The following SPAG9 variants were observed in gnomAD, a reference collection of about 807,000 sequenced individuals.
SPAG9 encodes the protein C-Jun-amino-terminal kinase-interacting protein 4.
Under a neutral mutation model 166.5 loss-of-function variants are expected in SPAG9, and 35 were observed. The ratio of observed to expected loss-of-function variants is 0.21; its 90% confidence interval spans 0.16 to 0.28. SPAG9 has a LOEUF of 0.28. Ranked by LOEUF, SPAG9 falls within the 10% of genes least tolerant of loss-of-function variation. The pLI is 1.00. For synonymous variants in SPAG9, 534 were observed against 565.5 expected (o/e 0.94, Z 0.79); for missense variants, 1,235 against 1,603.3 (o/e 0.77, Z 3.92).
At chr17:51,007,864 G>A in intron 9 of SPAG9, 1 of 449,470 alleles carries the variant, frequency 2.2e-6, no homozygotes, top group Non-Finnish European at 4.5e-6. Context: ...TAAAGCCCAT[G>A]CATTCCATGT....
In SPAG9 at chr17:50,984,979, C is replaced by T; in HGVS notation, c.3032G>A (p.Gly1011Glu). The stretch of plus-strand genomic sequence containing the variant: ...GTCAGCCAGGGCTACTAACACGATT[C>T]CCTTCACGTGTCTGCAAACAGGAAA... ...DSILSIVHVK[G>E]IVLVALADGT... Residue 1011 changes from glycine to glutamate, a missense_variant, in exon 24 of 30, where the codon GGA (glycine) becomes GAA (glutamate). Physicochemically the swap from Gly to Glu is moderately conservative, Grantham distance 98. Around this residue, in one of 6 missense-constraint regions of SPAG9, gnomAD observed 493 missense variants for 559.4 expected, o/e 0.88. Transcript: ENST00000262013. The T allele has an allele frequency of 6.2e-7, 1 of 1,614,144 alleles. No homozygotes were observed. The highest frequency in any genetic ancestry group is 8.5e-7 in the Non-Finnish European group (1 of 1,179,996).
intron 1 of SPAG9, among the ~76,000 whole-genome samples, chr17:51,093,035 A>G (rs528023767): frequency 2.7e-5 from 4 of 148,522 alleles, no homozygotes; most frequent in Non-Finnish European, 5.9e-5. Context: ...ATATTCTACT[A>G]TTCTCGGTAA....
chr17:51,043,225 G>C (rs750596695), intron 4 of SPAG9, among the ~76,000 whole-genome samples: 2 of 152,096 alleles, frequency 1.3e-5, no homozygotes, highest in Non-Finnish European at 2.9e-5. Flanking sequence ...CTAAGTTTGC[G>C]ACTATGAGCT....
In SPAG9 at chr17:50,998,629, CAG is replaced by C; in HGVS notation, c.1665-14_1665-13del. The C allele has an allele frequency of 6.2e-7, 1 of 1,613,322 alleles. No homozygotes were observed. The highest frequency in any genetic ancestry group is 8.5e-7 in the Non-Finnish European group (1 of 1,179,374). ...AAAGTCGGCTGAAACTAAAAGAAGA[CAG>C]TATGTCTGTGTGTCACATGTACTAT... On this transcript the variant is annotated splice_polypyrimidine_tract_variant and intron_variant, in intron 14 of 29. Transcript: ENST00000262013.
chr17:51,062,415 G>C (rs2047542924), intron 2 of SPAG9, among the ~76,000 whole-genome samples: 1 of 152,042 alleles, frequency 6.6e-6, no homozygotes, highest in Admixed American at 6.6e-5. Flanking sequence ...AAAATCCTGT[G>C]CTCCACCTAT....
At chr17:51,059,114 A>G (rs2047435862) in intron 2 of SPAG9, among the ~76,000 whole-genome samples, 1 of 152,222 alleles carries the variant, frequency 6.6e-6, no homozygotes, top group South Asian at 2.1e-4. Context: ...CACAAATATG[A>G]TATTGAAGGA....
intron 2 of SPAG9, among the ~76,000 whole-genome samples, chr17:51,060,358 C>G (rs1323717300): frequency 6.6e-6 from 1 of 151,850 alleles, no homozygotes; most frequent in Non-Finnish European, 1.5e-5. Context: ...CAAAAATTAG[C>G]CAGGCGTCAT....
At chr17:51,091,706 A>G (rs754514228) in intron 1 of SPAG9, among the ~76,000 whole-genome samples, 1 of 151,942 alleles carries the variant, frequency 6.6e-6, no homozygotes, top group South Asian at 2.1e-4. Context: ...TTCAGCAGGT[A>G]TAATAACACA....
At chr17:51,082,377 CAAAAAAAAAAAAAA>C (rs773287286) in intron 1 of SPAG9, among the ~76,000 whole-genome samples, 2 of 48,942 alleles carry the variant, frequency 4.1e-5, no homozygotes, top group Admixed American at 3.2e-4. Flanking sequence ...AAGACTGTCT[CAAAAAAAAAAAAAA>C]AAAAAAAAAA....
intron 1 of SPAG9, among the ~76,000 whole-genome samples, chr17:51,081,699 G>C (rs994698563): frequency 6.6e-6 from 1 of 151,536 alleles, no homozygotes; most frequent in South Asian, 2.1e-4. Flanking sequence ...CTGAGATCAC[G>C]CCATTGCACT....
intron 4 of SPAG9, among the ~76,000 whole-genome samples, chr17:51,044,972 A>G (rs964895024): frequency 1.3e-5 from 2 of 152,248 alleles, no homozygotes; most frequent in African/African-American, 4.8e-5. Flanking sequence ...ATGGACACAT[A>G]TAAGTAACTG....
At chr17:51,037,329 T>C (rs561064057) in intron 5 of SPAG9, among the ~76,000 whole-genome samples, 2 of 151,912 alleles carry the variant, frequency 1.3e-5, no homozygotes, top group Non-Finnish European at 2.9e-5. Flanking sequence ...ATTTTAAAAA[T>C]ACATAAAAAA....
At chr17:51,068,484 T>C (rs2047734199) in intron 2 of SPAG9, among the ~76,000 whole-genome samples, 1 of 152,302 alleles carries the variant, frequency 6.6e-6, no homozygotes, top group Non-Finnish European at 1.5e-5. Context: ...CTTGAAGATG[T>C]TACTTAAGCC....
At position 50,990,204 on chromosome 17, in the gene SPAG9, C is replaced by T. The variant is rs1005791771; in HGVS notation, c.2617+246G>A. On this transcript the variant is annotated intron_variant, in intron 20 of 29. Coordinates refer to ENST00000262013, the MANE Select transcript of SPAG9 (RefSeq NM_001130528.3). ...CACCACGCCCGGTTAATTTTTTGTA[C>T]TTTTTAGTACAGACAGGGTTTCACT... 2.7e-5 allele frequency: 14 copies of T among 519,134 alleles called. 1 individual carries two copies. In the South Asian group the frequency reaches 2.7e-4, roughly 10 times the overall value. 32.2% of individuals were successfully genotyped at this position (519,134 alleles called of 1,614,324 possible). A position where few individuals can be genotyped will look rare whatever the true frequency, so the allele number is the denominator to read the frequency against.
At chr17:50,988,286 G>C (rs907021262) in intron 21 of SPAG9, among the ~76,000 whole-genome samples, 4 of 151,882 alleles carry the variant, frequency 2.6e-5, no homozygotes, top group Non-Finnish European at 4.4e-5. Context: ...TAAAAAATCA[G>C]ACCTTAGCGA....
chr17:50,981,607 C>A (rs1352999271), intron 25 of SPAG9, among the ~76,000 whole-genome samples: 4 of 151,148 alleles, frequency 2.6e-5, no homozygotes, highest in African/African-American at 9.8e-5. Context: ...TTTGAGACTT[C>A]TAGGGAAAGA....
At position 50,996,640 on chromosome 17, in the gene SPAG9, C is replaced by T; in HGVS notation, c.1893G>A (p.Gln631=). 6.2e-7 allele frequency: 1 copy of T among 1,614,106 alleles called. No individual in the cohort carries two copies. The highest frequency in any genetic ancestry group is 1.1e-5 in the South Asian group (1 of 91,080). The part of the protein sequence containing the change: ...RREQKREQYR[Q]VKAHVQKEDG... ...CTTCCTTCTGAACATGTGCTTTTAC[C>T]TGACGATACTGCTCTCTCTTTTGTT... The change falls in exon 16 of 30, where the codon CAG becomes CAA. Residue 631 remains glutamine, a synonymous_variant. Transcript: ENST00000262013.
chr17:51,064,412 T>C (rs1328224134), intron 2 of SPAG9, among the ~76,000 whole-genome samples: 1 of 152,230 alleles, frequency 6.6e-6, no homozygotes, highest in East Asian at 1.9e-4. Context: ...TACTACAGAC[T>C]TTCAGATAGC....
chr17:51,089,644 A>G (rs2048404441), intron 1 of SPAG9, among the ~76,000 whole-genome samples: 1 of 88,648 alleles, frequency 1.1e-5, no homozygotes, highest in African/African-American at 5.6e-5. Flanking sequence ...ATATATATAT[A>G]TATATATATA....
Sources: allele counts gnomAD v4.1 joint callset (sites outside exome capture counted in the v4.1 genomes callset), GRCh38; gene constraint gnomAD v4.1.1; regional missense constraint gnomAD v4.1.1; transcripts MANE v1.5; gene names NCBI Gene and HGNC (gene_info 2026-07-23, HGNC 2026-07-21).